The following PCDH15 variants were observed in gnomAD, a reference collection of about 807,000 sequenced individuals.
PCDH15 encodes protocadherin related 15.
In PCDH15, 129 loss-of-function variants were observed where a neutral mutation model predicts 178.5. That is an observed-to-expected ratio of 0.72 (90% CI 0.63 to 0.84). PCDH15 has a LOEUF of 0.84. Ranked by LOEUF, PCDH15 falls within the 40% of genes least tolerant of loss-of-function variation. PCDH15 has a pLI of 0.00. For missense variants in PCDH15, 2,230 were observed against 2,099.9 expected, an observed-to-expected ratio of 1.06 and a Z score of -1.21; for synonymous variants, 800 against 732.0, an observed-to-expected ratio of 1.09 and a Z score of -1.50.
intron 21 of PCDH15, among the ~76,000 whole-genome samples, chr10:53,991,053 C>A (rs1213351884): frequency 6.6e-6 from 1 of 152,136 alleles, no homozygotes; most frequent in African/African-American, 2.4e-5. Flanking sequence ...CCCCACGGGG[C>A]AGGGCTTGGG....
chr10:55,039,509 A>G (rs1321588585), intron 2 of PCDH15, among the ~76,000 whole-genome samples: 1 of 152,150 alleles, frequency 6.6e-6, no homozygotes. Context: ...AGTTATGCAT[A>G]TAAAAAGGAA....
intron 18 of PCDH15, among the ~76,000 whole-genome samples, chr10:54,044,676 C>A (rs1295246643): frequency 6.6e-6 from 1 of 152,030 alleles, no homozygotes; most frequent in Non-Finnish European, 1.5e-5. Flanking sequence ...CTACGAAGTG[C>A]AAAGATCTAT....
At chr10:54,452,986 G>A (rs975694486) in intron 3 of PCDH15, among the ~76,000 whole-genome samples, 2 of 152,038 alleles carry the variant, frequency 1.3e-5, no homozygotes, top group African/African-American at 2.4e-5. Context: ...AGATGAGGTC[G>A]TACTGGAGTA....
chr10:55,589,670 C>T (rs1842800270), intron 2 of PCDH15, among the ~76,000 whole-genome samples: 2 of 152,118 alleles, frequency 1.3e-5, no homozygotes, highest in Admixed American at 1.3e-4. Context: ...ACAGACACTT[C>T]TCAAAAGAAG....
At chr10:54,609,153 T>A (rs1460983392) in intron 2 of PCDH15, among the ~76,000 whole-genome samples, 1 of 152,146 alleles carries the variant, frequency 6.6e-6, no homozygotes, top group Non-Finnish European at 1.5e-5. Flanking sequence ...AAAATATAAA[T>A]GAGCACTACT....
intron 10 of PCDH15, among the ~76,000 whole-genome samples, chr10:54,205,481 TTGTGTGTGTG>T (rs71461223): frequency 1.5e-5 from 2 of 135,088 alleles, no homozygotes; most frequent in African/African-American, 2.8e-5. Context: ...TATATTTCCT[TTGTGTGTGTG>T]TGTGTGTGTG....
rs1839663572 is a variant in PCDH15 at position 54,996,989 on chromosome 10, A to G, written c.-79-99489T>C. Among the ~76,000 whole-genome samples the G allele has an allele frequency of 2.6e-5, 4 of 151,762 alleles. No homozygotes were observed. In the East Asian group the frequency reaches 5.8e-4, roughly 22 times the overall value. The stretch of plus-strand genomic sequence containing the variant: ...CCGGGTGTAGTGGCGGGCGCCTGCA[A>G]TCCTAGCTACTCAGGAGGCCGAGAC... On this transcript the variant is annotated intron_variant, in intron 2 of 5. Transcript: ENST00000458638.
At chr10:55,117,077 G>A (rs1837644993) in intron 2 of PCDH15, among the ~76,000 whole-genome samples, 1 of 152,074 alleles carries the variant, frequency 6.6e-6, no homozygotes. Context: ...TGTTTTGGGG[G>A]TCTTCAGTTC....
intron 20 of PCDH15, among the ~76,000 whole-genome samples, chr10:54,010,077 G>A (rs1435513012): frequency 1.3e-5 from 2 of 152,204 alleles, no homozygotes; most frequent in Admixed American, 1.3e-4. Context: ...CCCCACCTGA[G>A]TTCCTGGGTC....
intron 13 of PCDH15, among the ~76,000 whole-genome samples, chr10:54,157,176 G>T (rs1229727854): frequency 6.6e-6 from 1 of 152,194 alleles, no homozygotes; most frequent in African/African-American, 2.4e-5. Context: ...CAGTGCCCCA[G>T]TAGGGACTCT....
At chr10:55,423,548 T>C (rs1838676549) in intron 2 of PCDH15, among the ~76,000 whole-genome samples, 1 of 152,016 alleles carries the variant, frequency 6.6e-6, no homozygotes, top group Non-Finnish European at 1.5e-5. Context: ...CAGAGCTAAT[T>C]AGCTCACTAT....
chr10:55,033,830 G>A (rs149811431), intron 2 of PCDH15, among the ~76,000 whole-genome samples: 96 of 152,220 alleles, frequency 6.3e-4, no homozygotes, highest in African/African-American at 2.1e-3. Context: ...AAATTCAGGC[G>A]TTGCCAATGT....
chr10:55,000,538 G>A (rs907385167), intron 2 of PCDH15, among the ~76,000 whole-genome samples: 11 of 152,000 alleles, frequency 7.2e-5, no homozygotes, highest in East Asian at 1.9e-4. Flanking sequence ...GTCCTGAGGC[G>A]ACATACGTCC....
chr10:54,405,329 G>A (rs1283420012), intron 3 of PCDH15, among the ~76,000 whole-genome samples: 2 of 151,942 alleles, frequency 1.3e-5, no homozygotes, highest in Admixed American at 1.3e-4. Context: ...CATTCCATGT[G>A]TACCACATGG....
chr10:54,124,336 T>C (rs574230157), intron 15 of PCDH15, among the ~76,000 whole-genome samples: 1 of 152,284 alleles, frequency 6.6e-6, no homozygotes, highest in South Asian at 2.1e-4. Context: ...AGCTGTGGGC[T>C]GGTGTTTGGG....
At chr10:54,571,990 CT>C (rs2089910879) in intron 2 of PCDH15, among the ~76,000 whole-genome samples, 3 of 152,090 alleles carry the variant, frequency 2.0e-5, no homozygotes, top group African/African-American at 7.2e-5. Context: ...CAAATCATTT[CT>C]AAAACCATAT....
At chr10:55,186,484 C>T (rs35373120) in intron 1 of PCDH15, among the ~76,000 whole-genome samples, 32,919 of 151,242 alleles carry the variant, frequency 0.22, 3,860 homozygotes, top group East Asian at 0.3. Context: ...CATTCATAGA[C>T]GTATCCTGGT....
At chr10:55,029,469 G>A (rs945194090) in intron 2 of PCDH15, among the ~76,000 whole-genome samples, 5 of 151,988 alleles carry the variant, frequency 3.3e-5, no homozygotes, top group African/African-American at 1.2e-4. Context: ...TCTTCTATAT[G>A]TACACTAGAC....
chr10:54,493,267 G>A (rs986880628), intron 3 of PCDH15, among the ~76,000 whole-genome samples: 2 of 151,956 alleles, frequency 1.3e-5, no homozygotes, highest in Non-Finnish European at 2.9e-5. Flanking sequence ...GGGATATATT[G>A]TCTGTGGATA....
Sources: gnomAD v4.1 joint callset for allele counts (sites outside exome capture counted in the v4.1 genomes callset) on GRCh38, gnomAD v4.1.1 for gene constraint, MANE v1.5 for transcripts, NCBI Gene and HGNC (gene_info 2026-07-23, HGNC 2026-07-21) for gene names.